The following NUMB variants were observed in gnomAD, a reference collection of about 807,000 sequenced individuals.
NUMB encodes the protein NUMB endocytic adaptor protein, also known as protein numb homolog.
A neutral mutation model predicts 59.7 loss-of-function variants in NUMB; 29 were observed. The ratio of observed to expected loss-of-function variants is 0.49; its 90% CI spans 0.36 to 0.66. The LOEUF (loss-of-function observed/expected upper bound fraction) is 0.66. NUMB is among the 30% of genes least tolerant of loss of function. NUMB has a pLI of 0.00. For missense variants in NUMB, 723 were observed against 822.0 expected (o/e 0.88, Z 1.47); for synonymous variants, 288 against 288.2 (o/e 1.00, Z 0.01).
intron 3 of NUMB, among the ~76,000 whole-genome samples, chr14:73,364,631 C>T (rs763066366): frequency 6.5e-4 from 98 of 151,890 alleles, no homozygotes; most frequent in South Asian, 2.1e-4. Context: ...CATAAGAATG[C>T]GCACTATTTT....
At chr14:73,376,022 A>C (rs1436466942) in intron 2 of NUMB, among the ~76,000 whole-genome samples, 1 of 152,226 alleles carries the variant, frequency 6.6e-6, no homozygotes, top group African/African-American at 2.4e-5. Flanking sequence ...GTCTCCTCCC[A>C]TCATTCCTTT....
chr14:73,315,535 A>G (rs1411330654), intron 6 of NUMB, among the ~76,000 whole-genome samples: 1 of 152,184 alleles, frequency 6.6e-6, no homozygotes, highest in Non-Finnish European at 1.5e-5. Context: ...TCCACATATG[A>G]CAGATATTTG....
In NUMB at chr14:73,277,137, A is replaced by G; in HGVS notation, c.1397T>C (p.Val466Ala). 1 of 1,613,938 alleles carries G rather than the reference A, an allele frequency of 6.2e-7. No individual in the cohort carries two copies. The highest frequency in any genetic ancestry group is 8.5e-7 in the Non-Finnish European group (1 of 1,179,966). ...GGCAGTGGGTGGAGGAGGCTGGAGA[A>G]CTGGCTGCAGAGGAGCAGCTGAGGC... ...PQASAAPLQP[V>A]LQPPPPTAIS... is the part of the protein sequence containing the mutation. Residue 466 changes from valine (V) to alanine (A), a missense_variant, in exon 13 of 13, where the codon GTT becomes GCT. Transcript: ENST00000555238.
At chr14:73,374,011 G>A (rs1467603225) in intron 2 of NUMB, among the ~76,000 whole-genome samples, 2 of 152,014 alleles carry the variant, frequency 1.3e-5, no homozygotes, top group Non-Finnish European at 2.9e-5. Flanking sequence ...TGGGATTACA[G>A]GCATGCACCA....
At chr14:73,384,697 A>G (rs115595952) in intron 2 of NUMB, among the ~76,000 whole-genome samples, 13,434 of 151,828 alleles carry the variant, frequency 0.088, 1,194 homozygotes, top group African/African-American at 0.21. Flanking sequence ...CCTTCCAAGT[A>G]GCTGAGATTA....
chr14:73,417,610 T>C (rs558518348), intron 1 of NUMB, among the ~76,000 whole-genome samples: 69 of 150,530 alleles, frequency 4.6e-4, no homozygotes, highest in African/African-American at 1.7e-3. Context: ...AAAAACAAAA[T>C]CAGTAAAGCA....
At chr14:73,425,729 T>C (rs1250157387) in intron 1 of NUMB, among the ~76,000 whole-genome samples, 1 of 152,098 alleles carries the variant, frequency 6.6e-6, no homozygotes, top group Non-Finnish European at 1.5e-5. Context: ...TACATATAAA[T>C]GTGTATAAGT....
In NUMB at chr14:73,442,466, C is replaced by T. The variant is rs375481866; in HGVS notation, c.-233+16027G>A. On this transcript the variant is annotated intron_variant, in intron 1 of 12. Transcript: ENST00000555238. ...ACACAAAAACTTTTATGTGAATGTTCATATTGGCTCTATTTGAATAGCCAA... is the reference window on the plus strand; with the variant it reads ...ACACAAAAACTTTTATGTGAATGTTTATATTGGCTCTATTTGAATAGCCAA... 3.3e-5 allele frequency among the ~76,000 whole-genome samples: 5 copies of T among 152,252 alleles called. No individual in the cohort carries two copies. The South Asian group carries it at 1.0e-3, about 32-fold the overall frequency.
chr14:73,290,844 T>C (rs1046556634), intron 8 of NUMB, among the ~76,000 whole-genome samples: 1 of 152,186 alleles, frequency 6.6e-6, no homozygotes, highest in African/African-American at 2.4e-5. Flanking sequence ...CTGTTGAGTG[T>C]CATGTCGGTG....
At chr14:73,341,350 T>G (rs1159061453) in intron 4 of NUMB, among the ~76,000 whole-genome samples, 1 of 152,156 alleles carries the variant, frequency 6.6e-6, no homozygotes, top group Non-Finnish European at 1.5e-5. Flanking sequence ...ATAATTTAAT[T>G]CCAAAAATCT....
intron 1 of NUMB, among the ~76,000 whole-genome samples, chr14:73,449,396 A>C (rs1362804872): frequency 6.6e-6 from 1 of 152,176 alleles, no homozygotes; most frequent in Non-Finnish European, 1.5e-5. Flanking sequence ...ATTACTTATT[A>C]ATATAATACC....
At chr14:73,443,924 T>G (rs1303158345) in intron 1 of NUMB, among the ~76,000 whole-genome samples, 2 of 145,772 alleles carry the variant, frequency 1.4e-5, no homozygotes, top group Admixed American at 1.3e-4. Context: ...TATTTATTTT[T>G]GAGACAAAGT....
intron 2 of NUMB, among the ~76,000 whole-genome samples, chr14:73,376,870 G>A (rs890470923): frequency 6.6e-6 from 1 of 152,050 alleles, no homozygotes; most frequent in South Asian, 2.1e-4. Flanking sequence ...TAGACAACAT[G>A]GTGAGACTCC....
At chr14:73,297,040 G>A (rs1415538146) in intron 7 of NUMB, among the ~76,000 whole-genome samples, 171 bp downstream of exon 7, 4 of 152,154 alleles carry the variant, frequency 2.6e-5, no homozygotes, top group Non-Finnish European at 5.9e-5. Flanking sequence ...GGTGGCACAT[G>A]CCTGTAATCC....
intron 4 of NUMB, among the ~76,000 whole-genome samples, chr14:73,342,258 C>A (rs1314351191): frequency 6.6e-6 from 1 of 152,186 alleles, no homozygotes; most frequent in African/African-American, 2.4e-5. Context: ...TGCCAGCATG[C>A]CAGCAAATTT....
chr14:73,416,726 C>T (rs552049714), intron 1 of NUMB, among the ~76,000 whole-genome samples: 104 of 152,056 alleles, frequency 6.8e-4, no homozygotes, highest in Non-Finnish European at 1.0e-3. Context: ...CTGTAAATCC[C>T]AGCTACTTGG....
intron 2 of NUMB, among the ~76,000 whole-genome samples, chr14:73,383,524 G>C: frequency 6.6e-6 from 1 of 152,132 alleles, no homozygotes; most frequent in Non-Finnish European, 1.5e-5. Flanking sequence ...TAGAATCCCA[G>C]AGGGAACTGA....
At chr14:73,311,402 C>T (rs186915538) in intron 6 of NUMB, among the ~76,000 whole-genome samples, 1 of 152,266 alleles carries the variant, frequency 6.6e-6, no homozygotes, top group African/African-American at 2.4e-5. Context: ...TTCAGGTCTT[C>T]GTTTTTTTGC....
Position 73,377,880 on chromosome 14 carries a change from T to C in NUMB, c.-100-10899A>G, listed in dbSNP as rs1207627028. ...TACTTGGGAAGCTGTGGCAGGAGAT[T>C]TGCTTGAACTCAGGAGGTGGAGGCT... On this transcript the variant is annotated intron_variant, in intron 2 of 12. Coordinates refer to ENST00000555238, the MANE Select transcript of NUMB (RefSeq NM_001005743.2). Among the ~76,000 whole-genome samples, 4 of 152,014 alleles carry C rather than the reference T, an allele frequency of 2.6e-5. No homozygotes were observed. The East Asian group carries it at 5.8e-4, about 22-fold the overall frequency.
Sources: gnomAD v4.1 joint callset for allele counts (sites outside exome capture counted in the v4.1 genomes callset) on GRCh38, gnomAD v4.1.1 for gene constraint, MANE v1.5 for transcripts, NCBI Gene and HGNC (gene_info 2026-07-23, HGNC 2026-07-21) for gene names.